The following ITGAV variants were observed in gnomAD, a reference collection of about 807,000 sequenced individuals.
ITGAV encodes the protein integrin alpha-V.
Under a neutral mutation model 143.8 loss-of-function variants are expected in ITGAV, and 76 were observed. The observed-to-expected ratio is 0.53, with a 90% CI of 0.44 to 0.64. ITGAV has a LOEUF of 0.64. ITGAV is among the 30% of genes least tolerant of loss of function. The probability of loss-of-function intolerance (pLI) is 0.00; values close to 1 mark genes in which losing one functional copy is unlikely to be tolerated. For missense variants in ITGAV, 1,193 were observed against 1,274.7 expected, an observed-to-expected ratio of 0.94 and a Z score of 0.98; for synonymous variants, 453 against 446.7, an observed-to-expected ratio of 1.01 and a Z score of -0.18.
chr2:186,664,486 A>C lies in ITGAV; in HGVS notation c.1926-8A>C. 6.2e-7 allele frequency: 1 copy of C among 1,613,350 alleles called. No individual in the cohort carries two copies. Among genetic ancestry groups the C allele is most frequent in the Non-Finnish European group, 8.5e-7 (1 of 1,179,588 alleles). ...TTCTCAGTCTGGATTTGTATTGTTA[A>C]CTTGTAGTGATCAAAAGAAGATCTA... On this transcript the variant is annotated splice_region_variant and splice_polypyrimidine_tract_variant and intron_variant, in intron 19 of 29. Coordinates refer to ENST00000261023, the MANE Select transcript of ITGAV (RefSeq NM_002210.5).
intron 26 of ITGAV, among the ~76,000 whole-genome samples, chr2:186,674,169 T>C (rs1362742602): frequency 6.6e-6 from 1 of 152,150 alleles, no homozygotes; most frequent in Non-Finnish European, 1.5e-5. Flanking sequence ...AGAAATAGAA[T>C]CTCACTACGT....
intron 1 of ITGAV, among the ~76,000 whole-genome samples, chr2:186,600,889 G>A (rs1442371856): frequency 1.3e-5 from 2 of 151,850 alleles, no homozygotes; most frequent in Admixed American, 6.6e-5. Flanking sequence ...AACTGGGGAG[G>A]TGGAGGATAC....
chr2:186,623,612 C>G (rs1431993313), intron 3 of ITGAV, among the ~76,000 whole-genome samples: 1 of 152,126 alleles, frequency 6.6e-6, no homozygotes, highest in Non-Finnish European at 1.5e-5. Flanking sequence ...TTTAATTCTC[C>G]CTGGATCCTT....
chr2:186,648,114 G>A (rs989941387), intron 13 of ITGAV, among the ~76,000 whole-genome samples: 1 of 151,976 alleles, frequency 6.6e-6, no homozygotes, highest in African/African-American at 2.4e-5. Flanking sequence ...TGAATTTTCT[G>A]TTTCCCTTTG....
At chr2:186,595,171 A>C (rs1686714319) in intron 1 of ITGAV, among the ~76,000 whole-genome samples, 1 of 152,258 alleles carries the variant, frequency 6.6e-6, no homozygotes, top group Non-Finnish European at 1.5e-5. Context: ...CATGTATGAT[A>C]GTTTTTCAGA....
intron 15 of ITGAV, among the ~76,000 whole-genome samples, chr2:186,652,931 A>ATTTTTTTTTTTTTTTTTTTTT (rs35139936): frequency 1.2e-5 from 1 of 82,424 alleles, no homozygotes. Context: ...TTCATTATAG[A>ATTTTTTTTTTTTTTTTTTTTT]TTTTTTTTTT....
chr2:186,636,158 C>T lies in ITGAV; in HGVS notation c.708C>T (p.Asn236=), dbSNP rs150746738. 2.5e-6 allele frequency: 4 copies of T among 1,612,884 alleles called. No homozygotes were observed. Among genetic ancestry groups the T allele is most frequent in the Non-Finnish European group, 1.7e-6 (2 of 1,179,474 alleles). ...DPNVYSIKYN[N]QLATRTAQAI... Reference sequence around the variant, plus strand: ...ATGTTTACAGCATCAAGTATAATAACCAATTAGCAACTCGGACTGCACAAG... The same window carrying T: ...ATGTTTACAGCATCAAGTATAATAATCAATTAGCAACTCGGACTGCACAAG... The change falls in exon 7 of 30, where the codon AAC becomes AAT. Residue 236 remains asparagine, a synonymous_variant. Coordinates refer to ENST00000261023, the MANE Select transcript of ITGAV (RefSeq NM_002210.5).
At chr2:186,592,808 T>C (rs1220839038) in intron 1 of ITGAV, among the ~76,000 whole-genome samples, 1 of 152,196 alleles carries the variant, frequency 6.6e-6, no homozygotes, top group Non-Finnish European at 1.5e-5. Flanking sequence ...TTGTTACCGA[T>C]AGACTACAGA....
At chr2:186,623,927 C>T (rs1397902018) in intron 3 of ITGAV, among the ~76,000 whole-genome samples, 1 of 152,154 alleles carries the variant, frequency 6.6e-6, no homozygotes, top group Non-Finnish European at 1.5e-5. Flanking sequence ...GCTTCTCTTA[C>T]CCTAACTGCA....
chr2:186,669,914 G>A, intron 26 of ITGAV, 100 bp downstream of exon 26: 1 of 765,044 alleles, frequency 1.3e-6, no homozygotes, highest in Non-Finnish European at 2.2e-6. Context: ...AGCTGTGCTT[G>A]AACAACTACA....
intron 7 of ITGAV, among the ~76,000 whole-genome samples, chr2:186,636,716 C>T (rs572923215): frequency 7.9e-5 from 12 of 152,130 alleles, no homozygotes; most frequent in Admixed American, 1.3e-4. Context: ...CTTTCAATTT[C>T]TTTATGATAT....
At chr2:186,616,203 A>G (rs906185239) in intron 2 of ITGAV, among the ~76,000 whole-genome samples, 2 of 151,210 alleles carry the variant, frequency 1.3e-5, no homozygotes, top group African/African-American at 4.9e-5. Context: ...ACTGTTGACT[A>G]TTGTACACAT....
chr2:186,615,338 G>A (rs962069942), intron 2 of ITGAV, among the ~76,000 whole-genome samples: 8 of 151,826 alleles, frequency 5.3e-5, no homozygotes, highest in Non-Finnish European at 8.8e-5. Context: ...GAATTGCTGC[G>A]TCATATGGTA....
chr2:186,620,416 A>G (rs569858258), intron 2 of ITGAV, among the ~76,000 whole-genome samples: 2 of 152,190 alleles, frequency 1.3e-5, no homozygotes, highest in African/African-American at 4.8e-5. Context: ...GGAAATAAGC[A>G]TGACTTGTTT....
chr2:186,667,315 T>C lies in ITGAV; in HGVS notation c.2327+85T>C, dbSNP rs1375857869. Reference sequence around the variant, plus strand: ...TCAGGCCTTAGCCTTTTCTGGACAATAGACCCTGCATGTTTAGTGGTGGTT... The same window carrying C: ...TCAGGCCTTAGCCTTTTCTGGACAACAGACCCTGCATGTTTAGTGGTGGTT... On this transcript the variant is annotated intron_variant, in intron 23 of 29. Transcript: ENST00000261023. 4 of 975,088 alleles carry C rather than the reference T, an allele frequency of 4.1e-6. No homozygotes were observed. The African/African-American group carries it at 6.5e-5, about 16-fold the overall frequency. The allele number at this position is 975,088 out of a possible 1,614,324, so 60.4% of individuals were successfully genotyped here. A position where few individuals can be genotyped will look rare whatever the true frequency, so the allele number is the denominator to read the frequency against.
At chr2:186,649,722 C>T in intron 13 of ITGAV, 118 bp from the exon 14 acceptor site, 1 of 622,462 alleles carries the variant, frequency 1.6e-6, no homozygotes, top group Non-Finnish European at 2.6e-6. Flanking sequence ...CTTACAACCT[C>T]TTAATAGTTT....
In ITGAV at chr2:186,675,908, A is replaced by G. The variant is rs758404071; in HGVS notation, c.2909A>G (p.Asp970Gly). The G allele has an allele frequency of 5.0e-6, 8 of 1,586,094 alleles. No individual in the cohort carries two copies. Among genetic ancestry groups the G allele is most frequent in the South Asian group, 1.1e-5 (1 of 90,188 alleles). ...CCTTATAAGAATCTTCCAATTGAGG[A>G]TATCACCAACTCCACATTGGTAAGT... ...EFPYKNLPIE[D>G]ITNSTLVTTN... The change falls in exon 28 of 30, where the codon GAT becomes GGT. Residue 970 changes from aspartate (D) to glycine (G), a missense_variant. Asp to Gly is a moderately conservative substitution (Grantham distance 94, BLOSUM62 -1). Transcript: ENST00000261023.
At chr2:186,663,862 A>G (rs1688815749) in intron 19 of ITGAV, 27 bp downstream of exon 19, 4 of 1,503,530 alleles carry the variant, frequency 2.7e-6, no homozygotes, top group Admixed American at 1.7e-5. Flanking sequence ...ATAATAATGT[A>G]GTAAGAAATT....
intron 1 of ITGAV, among the ~76,000 whole-genome samples, chr2:186,600,959 C>CAAAA (rs556490103): frequency 1.1e-5 from 1 of 93,068 alleles, no homozygotes; most frequent in African/African-American, 3.8e-5. Context: ...GACTCTGTCT[C>CAAAA]AAAAAAAAAA....
Sources: allele counts gnomAD v4.1 joint callset (sites outside exome capture counted in the v4.1 genomes callset), GRCh38; gene constraint gnomAD v4.1.1; transcripts MANE v1.5; gene names NCBI Gene and HGNC (gene_info 2026-07-23, HGNC 2026-07-21).